The following RIN3 variants were observed in gnomAD, a reference collection of about 807,000 sequenced individuals.
RIN3 encodes Ras and Rab interactor 3.
Under a neutral mutation model 76.3 loss-of-function variants are expected in RIN3, and 54 were observed. That is an observed-to-expected ratio of 0.71 (90% CI 0.57 to 0.89). The LOEUF is 0.89. Ranked by LOEUF, RIN3 falls within the 40% of genes least tolerant of loss-of-function variation. The pLI, the probability that RIN3 is intolerant of heterozygous loss-of-function variation, is 0.00. For missense variants in RIN3, 1,256 were observed against 1,322.1 expected (o/e 0.95, Z 0.78); for synonymous variants, 576 against 564.0 (o/e 1.02, Z -0.30).
chr14:92,682,231 C>CA (rs895330233), intron 8 of RIN3, among the ~76,000 whole-genome samples: 15 of 152,150 alleles, frequency 9.9e-5, no homozygotes, highest in African/African-American at 3.6e-4. Context: ...ATCCTGTGGC[C>CA]ATAAACCCTT....
At chr14:92,557,102 A>G (rs1430916568) in intron 2 of RIN3, among the ~76,000 whole-genome samples, 1 of 152,110 alleles carries the variant, frequency 6.6e-6, no homozygotes, top group Non-Finnish European at 1.5e-5. Context: ...CTGTCTGCAC[A>G]TTTTCCATGC....
chr14:92,687,652 A>G, intron 9 of RIN3: 1 of 482,906 alleles, frequency 2.1e-6, no homozygotes, highest in Non-Finnish European at 3.6e-6. Context: ...CCTGTGGACC[A>G]GCAGCCAGGG....
chr14:92,538,105 T>A (rs7153808), intron 1 of RIN3, among the ~76,000 whole-genome samples: 6 of 151,872 alleles, frequency 4.0e-5, no homozygotes, highest in East Asian at 1.9e-4. Context: ...GATTACAGGC[T>A]TGAGCCACCA....
intron 2 of RIN3, among the ~76,000 whole-genome samples, chr14:92,564,834 G>A (rs895130103): frequency 5.9e-5 from 9 of 152,206 alleles, no homozygotes; most frequent in South Asian, 4.1e-4. Context: ...ACGCGCGCGC[G>A]CAGGAACAGC....
intron 1 of RIN3, among the ~76,000 whole-genome samples, chr14:92,520,512 T>C (rs1342249165): frequency 6.6e-6 from 1 of 152,194 alleles, no homozygotes; most frequent in Admixed American, 6.5e-5. Context: ...TTTTATTCCC[T>C]AGTTAAGAGA....
At chr14:92,583,145 A>C (rs1595434297) in intron 3 of RIN3, among the ~76,000 whole-genome samples, 2 of 152,096 alleles carry the variant, frequency 1.3e-5, no homozygotes, top group East Asian at 3.9e-4. Context: ...TGACTGCAGT[A>C]GGGGGTGATC....
At chr14:92,661,680 T>C (rs1471286564) in intron 7 of RIN3, among the ~76,000 whole-genome samples, 1 of 149,568 alleles carries the variant, frequency 6.7e-6, no homozygotes, top group Non-Finnish European at 1.5e-5. Flanking sequence ...GCCAAGATCA[T>C]GCCACAGCAT....
rs558385696 is a variant in RIN3, at chr14:92,607,865, C to G, written c.368-7542C>G. Among the ~76,000 whole-genome samples, 137 of 152,310 alleles carry G rather than the reference C, an allele frequency of 9.0e-4. 1 individual carries two copies. The highest frequency in any genetic ancestry group is 1.6e-3 in the Non-Finnish European group (106 of 68,046). ...AGTAAAAGGCAATGAACTGTTGATT[C>G]ACGGAACAACTTGGATGAACCTCAA... On this transcript the variant is annotated intron_variant, in intron 3 of 9. Coordinates refer to ENST00000216487, the MANE Select transcript of RIN3 (RefSeq NM_024832.5).
chr14:92,662,500 A>G (rs890533251), intron 7 of RIN3, among the ~76,000 whole-genome samples: 1 of 152,246 alleles, frequency 6.6e-6, no homozygotes, highest in Admixed American at 6.5e-5. Context: ...CTTGTGTTCA[A>G]TAGGCACAGC....
At chr14:92,555,991 C>T (rs1394925415) in intron 2 of RIN3, 36 bp downstream of exon 2, 3 of 1,578,716 alleles carry the variant, frequency 1.9e-6, no homozygotes, top group African/African-American at 1.3e-5. Flanking sequence ...TAGGCACACA[C>T]ACCTGTGAGG....
chr14:92,687,661 G>C (rs1473582936), intron 9 of RIN3: 5 of 490,966 alleles, frequency 1.0e-5, no homozygotes, highest in Non-Finnish European at 1.8e-5. Flanking sequence ...CAGCAGCCAG[G>C]GGACGCGCCG....
intron 3 of RIN3, among the ~76,000 whole-genome samples, chr14:92,601,588 CT>C (rs1388387185): frequency 2.0e-5 from 3 of 152,116 alleles, no homozygotes; most frequent in East Asian, 3.8e-4. Context: ...CACCTCCCTT[CT>C]CCCCGTCCCC....
intron 3 of RIN3, among the ~76,000 whole-genome samples, chr14:92,608,790 C>T (rs1208222007): frequency 6.6e-6 from 1 of 152,230 alleles, no homozygotes; most frequent in African/African-American, 2.4e-5. Flanking sequence ...TTGCCTCAGC[C>T]TCCCAAAGTG....
At chr14:92,516,971 C>T (rs1896459901) in intron 1 of RIN3, among the ~76,000 whole-genome samples, 1 of 152,212 alleles carries the variant, frequency 6.6e-6, no homozygotes, top group African/African-American at 2.4e-5. Flanking sequence ...TCCCCTTAGG[C>T]CTCCCTGGAG....
At chr14:92,613,061 G>T (rs990065130) in intron 3 of RIN3, among the ~76,000 whole-genome samples, 1 of 152,238 alleles carries the variant, frequency 6.6e-6, no homozygotes, top group Non-Finnish European at 1.5e-5. Flanking sequence ...AAGGAAAGCC[G>T]CTGATTGTTG....
intron 2 of RIN3, among the ~76,000 whole-genome samples, chr14:92,563,767 G>A (rs572796099): frequency 2.2e-4 from 33 of 152,314 alleles, no homozygotes; most frequent in African/African-American, 7.5e-4. Flanking sequence ...GCTGCTCTGT[G>A]CTATGCTAAT....
At chr14:92,654,043 G>T (rs575086427) in intron 6 of RIN3, among the ~76,000 whole-genome samples, 12 of 152,066 alleles carry the variant, frequency 7.9e-5, no homozygotes, top group African/African-American at 2.9e-4. Context: ...GCTGGGCGTG[G>T]TGGCTCATGC....
chr14:92,553,787 C>T (rs1897502239), intron 1 of RIN3, among the ~76,000 whole-genome samples: 1 of 152,102 alleles, frequency 6.6e-6, no homozygotes, highest in Admixed American at 6.5e-5. Context: ...CAGGCAGTCC[C>T]AGTCAGTTCT....
intron 3 of RIN3, among the ~76,000 whole-genome samples, chr14:92,611,709 T>G (rs1686689595): frequency 6.6e-6 from 1 of 152,240 alleles, no homozygotes; most frequent in African/African-American, 2.4e-5. Flanking sequence ...ATGTATCACA[T>G]TCACATATCT....
Sources: allele counts gnomAD v4.1 joint callset (sites outside exome capture counted in the v4.1 genomes callset), GRCh38; gene constraint gnomAD v4.1.1; transcripts MANE v1.5; gene names NCBI Gene and HGNC (gene_info 2026-07-23, HGNC 2026-07-21).